The following RAB11FIP4 variants were observed in gnomAD, a reference collection of about 807,000 sequenced individuals.
The protein encoded by RAB11FIP4 is RAB11 family interacting protein 4.
RAB11FIP4 carries 23 observed loss-of-function variants against 74.3 expected under a neutral mutation model. The observed-to-expected ratio is 0.31, with a 90% CI of 0.22 to 0.44. The LOEUF (loss-of-function observed/expected upper bound fraction) is 0.44. Among genes scored for constraint, RAB11FIP4 ranks in the 20% least tolerant of loss-of-function variants. The pLI is 1.00. For missense variants in RAB11FIP4, 630 were observed against 863.9 expected (o/e 0.73, Z 3.39); for synonymous variants, 360 against 359.9 (o/e 1.00, Z 0.00).
chr17:31,492,612 ACCCTT>A (rs1311539929), intron 3 of RAB11FIP4, among the ~76,000 whole-genome samples: 3 of 152,230 alleles, frequency 2.0e-5, no homozygotes, highest in African/African-American at 7.2e-5. Context: ...CCTGGACTGC[ACCCTT>A]ATCTGTTTTC....
intron 3 of RAB11FIP4, among the ~76,000 whole-genome samples, chr17:31,484,637 C>CT (rs1312464643): frequency 1.3e-5 from 2 of 152,092 alleles, no homozygotes; most frequent in Non-Finnish European, 2.9e-5. Flanking sequence ...CCACCCCCCA[C>CT]TGGACTATCA....
chr17:31,455,153 A>G lies in RAB11FIP4; in HGVS notation c.336+21031A>G, dbSNP rs564457970. On this transcript the variant is annotated intron_variant, in intron 3 of 14. Coordinates refer to ENST00000621161, the MANE Select transcript of RAB11FIP4 (RefSeq NM_032932.6). ...TTGTTTTTAATTTTACATGCATGAA[A>G]AGCCAAAGAGATGGTCAGACCCAGG... Among the ~76,000 whole-genome samples the G allele has an allele frequency of 3.9e-5, 6 of 152,374 alleles. No homozygotes were observed. In the South Asian group the frequency reaches 1.2e-3, roughly 32 times the overall value.
intron 3 of RAB11FIP4, among the ~76,000 whole-genome samples, chr17:31,497,931 C>T (rs1367046801): frequency 6.6e-6 from 1 of 152,102 alleles, no homozygotes; most frequent in East Asian, 1.9e-4. Context: ...GATTCGAAGC[C>T]CCCTCTTTGA....
At chr17:31,490,854 G>C (rs2071993706) in intron 3 of RAB11FIP4, among the ~76,000 whole-genome samples, 1 of 152,240 alleles carries the variant, frequency 6.6e-6, no homozygotes, top group Non-Finnish European at 1.5e-5. Context: ...ACCACACCCA[G>C]CTGAAGCATC....
chr17:31,445,560 ATATATATATATATATATATTTTTTT>A lies in RAB11FIP4; in HGVS notation c.336+11440_336+11464del, dbSNP rs1428527202. The stretch of plus-strand genomic sequence containing the variant: ...TATATATATATATATATATATATAT[ATATATATATATATATATATTTTTTT>A]TTTTTTTTTTTTTTTTTTGACACGG... On this transcript the variant is annotated intron_variant, in intron 3 of 14. Coordinates refer to ENST00000621161, the MANE Select transcript of RAB11FIP4 (RefSeq NM_032932.6). 2.7e-3 allele frequency among the ~76,000 whole-genome samples: 39 copies of A among 14,470 alleles called. 1 individual carries two copies. Among genetic ancestry groups the A allele is most frequent in the South Asian group, 6.8e-3 (2 of 296 alleles). The allele number at this position is 14,470 out of a possible 152,430, so 9.5% of individuals were successfully genotyped here. A position where few individuals can be genotyped will look rare whatever the true frequency, so the allele number is the denominator to read the frequency against.
At chr17:31,443,077 T>C (rs992132597) in intron 3 of RAB11FIP4, among the ~76,000 whole-genome samples, 5 of 152,210 alleles carry the variant, frequency 3.3e-5, no homozygotes, top group Non-Finnish European at 5.9e-5. Context: ...CTTTTGATAC[T>C]GGTGTTGCTG....
Position 31,533,092 on chromosome 17 carries a change from A to T in RAB11FIP4, c.*1360A>T, listed in dbSNP as rs1478227640. ...TCTTGCTTTCTTCAGCACATCTTATAGTATGAGAAGGAAGGTTTGGGCATG... is the reference window on the plus strand; with the variant it reads ...TCTTGCTTTCTTCAGCACATCTTATTGTATGAGAAGGAAGGTTTGGGCATG... On this transcript the variant is annotated 3_prime_UTR_variant, in exon 15 of 15. Transcript: ENST00000621161. 3.3e-5 allele frequency: 5 copies of T among 152,100 alleles called. No individual in the cohort carries two copies. The highest frequency in any genetic ancestry group is 4.8e-5 in the African/African-American group (2 of 41,398). The allele number at this position is 152,100 out of a possible 1,614,324, so 9.4% of individuals were successfully genotyped here.
chr17:31,453,308 A>G (rs1167929199), intron 3 of RAB11FIP4, among the ~76,000 whole-genome samples: 2 of 146,530 alleles, frequency 1.4e-5, no homozygotes, highest in Admixed American at 1.4e-4. Flanking sequence ...CTATTATATT[A>G]TCACACGACT....
chr17:31,528,751 C>G lies in RAB11FIP4; in HGVS notation c.1626C>G (p.Leu542=). The part of the protein sequence containing the change: ...EFNARAREVE[L]EHEVKRLKQE... ...ATGCCAGGGCCCGCGAGGTGGAGCT[C>G]GAGCACGAGGTCAAGCGGCTCAAGC... The change falls in exon 13 of 15, where the codon CTC becomes CTG. Residue 542 remains leucine (L), a synonymous_variant. Transcript: ENST00000621161. 2.5e-6 allele frequency: 4 copies of G among 1,610,744 alleles called. No individual in the cohort carries two copies. Among genetic ancestry groups the G allele is most frequent in the Non-Finnish European group, 3.4e-6 (4 of 1,179,428 alleles).
At chr17:31,492,821 C>T (rs1470226133) in intron 3 of RAB11FIP4, among the ~76,000 whole-genome samples, 4 of 151,640 alleles carry the variant, frequency 2.6e-5, no homozygotes, top group East Asian at 1.9e-4. Context: ...GGGTCCCGAG[C>T]GTCTTGGTGC....
At chr17:31,435,885 C>T (rs992155862) in intron 3 of RAB11FIP4, among the ~76,000 whole-genome samples, 4 of 152,360 alleles carry the variant, frequency 2.6e-5, no homozygotes, top group East Asian at 1.9e-4. Flanking sequence ...CTCAGGGATG[C>T]GTGGAGATAG....
chr17:31,521,481 T>C, intron 5 of RAB11FIP4, 121 bp downstream of exon 5: 1 of 871,692 alleles, frequency 1.1e-6, no homozygotes, highest in Non-Finnish European at 1.7e-6. Context: ...CTCAGCTACT[T>C]GAGTTCTGCT....
chr17:31,453,810 A>G lies in RAB11FIP4; in HGVS notation c.336+19688A>G, dbSNP rs575754107. Among the ~76,000 whole-genome samples the G allele has an allele frequency of 1.3e-3, 200 of 150,636 alleles. 4 individuals carry two copies. The South Asian group carries it at 0.027, about 20-fold the overall frequency. On this transcript the variant is annotated intron_variant, in intron 3 of 14. Coordinates refer to ENST00000621161, the MANE Select transcript of RAB11FIP4 (RefSeq NM_032932.6). ...CTCGTCTCAAAAAAAAAAAAAAAAA[A>G]AAAGAAAGAAAAGAAAAGAAAGTGC...
intron 3 of RAB11FIP4, among the ~76,000 whole-genome samples, chr17:31,506,042 C>T (rs1039088729): frequency 6.6e-6 from 1 of 152,030 alleles, no homozygotes; most frequent in African/African-American, 2.4e-5. Flanking sequence ...GCTCCCACTT[C>T]CCATTCTGTT....
intron 3 of RAB11FIP4, among the ~76,000 whole-genome samples, chr17:31,516,594 C>G (rs1394194451): frequency 6.6e-6 from 1 of 152,228 alleles, no homozygotes. Flanking sequence ...CTCAGCCTCC[C>G]GAGTAGCTGG....
rs759482981 is a variant in RAB11FIP4 at position 31,534,762 on chromosome 17, G to C, written c.*3030G>C. The C allele has an allele frequency of 6.5e-6, 1 of 153,264 alleles. No individual in the cohort carries two copies. The highest frequency in any genetic ancestry group is 1.9e-4 in the East Asian group (1 of 5,194). 9.5% of individuals were successfully genotyped at this position (153,264 alleles called of 1,614,324 possible). A position where few individuals can be genotyped will look rare whatever the true frequency, so the allele number is the denominator to read the frequency against. On this transcript the variant is annotated 3_prime_UTR_variant, in exon 15 of 15. Coordinates refer to ENST00000621161, the MANE Select transcript of RAB11FIP4 (RefSeq NM_032932.6). ...TTTTGCTAAACCTGGCAACCCTACC[G>C]AGTAGGGATTAGCAGTAACTTATCT...
intron 1 of RAB11FIP4, among the ~76,000 whole-genome samples, chr17:31,425,586 G>C (rs2071240491): frequency 6.6e-6 from 1 of 152,180 alleles, no homozygotes; most frequent in African/African-American, 2.4e-5. Context: ...TGAGTGGGGG[G>C]AAAAAATCAG....
chr17:31,445,532 TTATA>T (rs1208804229), intron 3 of RAB11FIP4, among the ~76,000 whole-genome samples: 526 of 36,300 alleles, frequency 0.014, 3 homozygotes, highest in East Asian at 0.018. Flanking sequence ...TTTCCCAATT[TTATA>T]TATATATATA....
intron 3 of RAB11FIP4, among the ~76,000 whole-genome samples, chr17:31,480,517 C>T (rs1011587431): frequency 6.6e-6 from 1 of 152,238 alleles, no homozygotes; most frequent in Non-Finnish European, 1.5e-5. Context: ...TGGCCGGGTG[C>T]GGTGGCTCAC....
Sources: allele counts gnomAD v4.1 joint callset (sites outside exome capture counted in the v4.1 genomes callset), GRCh38; gene constraint gnomAD v4.1.1; transcripts MANE v1.5; gene names NCBI Gene and HGNC (gene_info 2026-07-23, HGNC 2026-07-21).